U2SURP: variants seen among roughly 807,000 people sequenced by gnomAD.
U2SURP encodes the protein U2 snRNP-associated SURP motif-containing protein.
Under a neutral mutation model 144.9 loss-of-function variants are expected in U2SURP, and 9 were observed. The ratio of observed to expected loss-of-function variants is 0.06; its 90% confidence interval spans 0.04 to 0.11. The LOEUF is 0.11. Ranked by LOEUF, U2SURP falls within the 10% of genes least tolerant of loss-of-function variation. The pLI, the probability that U2SURP is intolerant of heterozygous loss-of-function variation, is 1.00. For synonymous variants in U2SURP, 408 were observed against 396.8 expected (o/e 1.03, Z -0.33); for missense variants, 724 against 1,226.7 (o/e 0.59, Z 6.12).
chr3:143,049,848 G>C (rs567454461), intron 24 of U2SURP, among the ~76,000 whole-genome samples: 28 of 152,048 alleles, frequency 1.8e-4, no homozygotes, highest in African/African-American at 6.8e-4. Context: ...CTTATTGCAG[G>C]TTTTTCCTCT....
At chr3:143,035,027 GA>G in intron 19 of U2SURP, 52 bp downstream of exon 19, 3 of 250,100 alleles carry the variant, frequency 1.2e-5, no homozygotes, top group African/African-American at 2.7e-5. Flanking sequence ...TGGGTGGGGG[GA>G]GGGCATTGAA....
chr3:143,010,838 A>T lies in U2SURP; in HGVS notation c.69A>T (p.Ser23=), dbSNP rs1200417089. The change falls in exon 2 of 28, where the codon TCA becomes TCT. Residue 23 remains serine, a synonymous_variant. Transcript: ENST00000473835. ...AGACGAGATCATCAGATGTTCATTC[A>T]TCTGGATCTTCAGATGCACATGTGA... is the stretch of plus-strand genomic sequence containing the variant. The part of the protein sequence containing the change: ...SSKTRSSDVH[S]SGSSDAHMDA... 4 of 1,607,884 alleles carry T rather than the reference A, an allele frequency of 2.5e-6. No homozygotes were observed. In the South Asian group the frequency reaches 3.3e-5, roughly 13 times the overall value.
chr3:143,023,048 A>C lies in U2SURP; in HGVS notation c.1214A>C (p.Lys405Thr), dbSNP rs1256677906. Reference protein sequence around the residue: ...NAPMLPPPKNKEDFEKTLSQA... With the variant: ...NAPMLPPPKNTEDFEKTLSQA... ...CCTATGTTACCGCCACCTAAAAACA[A>C]AGAGGATTTTGAGAAGGTAATTTAA... The change falls in exon 12 of 28, where the codon AAA becomes ACA. Residue 405 changes from lysine to threonine, a missense_variant. Physicochemically the swap from Lys to Thr is moderately conservative, Grantham distance 78. Transcript: ENST00000473835. The C allele has an allele frequency of 6.2e-7, 1 of 1,604,238 alleles. No homozygotes were observed. Among genetic ancestry groups the C allele is most frequent in the Non-Finnish European group, 8.5e-7 (1 of 1,175,748 alleles).
At chr3:143,005,627 T>C (rs1337550528) in intron 1 of U2SURP, among the ~76,000 whole-genome samples, 1 of 152,194 alleles carries the variant, frequency 6.6e-6, no homozygotes, top group Non-Finnish European at 1.5e-5. Context: ...AGAATATGCC[T>C]GTTGGTATGG....
chr3:143,006,039 C>G (rs1044510933), intron 1 of U2SURP, among the ~76,000 whole-genome samples: 2 of 152,150 alleles, frequency 1.3e-5, no homozygotes, highest in African/African-American at 4.8e-5. Flanking sequence ...GTCAGTAGCA[C>G]TTGAGGCTAA....
intron 1 of U2SURP, among the ~76,000 whole-genome samples, chr3:143,007,991 G>C (rs368784400): frequency 6.6e-6 from 1 of 152,220 alleles, no homozygotes; most frequent in Non-Finnish European, 1.5e-5. Flanking sequence ...CTGTAGGTAT[G>C]TATCAGTGGA....
In U2SURP at chr3:143,049,134, C is replaced by T. The variant is rs1202595512; in HGVS notation, c.2545-1805C>T. Reference sequence around the variant, plus strand: ...AAGATTCAAAAATTAGGCTTGGTGGCGTGCGCCTGTAATCCCAGCTACTTG... The same window carrying T: ...AAGATTCAAAAATTAGGCTTGGTGGTGTGCGCCTGTAATCCCAGCTACTTG... On this transcript the variant is annotated intron_variant, in intron 24 of 27. Coordinates refer to ENST00000473835, the MANE Select transcript of U2SURP (RefSeq NM_001080415.2). 6.0e-5 allele frequency among the ~76,000 whole-genome samples: 9 copies of T among 149,114 alleles called. No homozygotes were observed. The South Asian group carries it at 8.5e-4, about 14-fold the overall frequency.
intron 1 of U2SURP, among the ~76,000 whole-genome samples, chr3:143,007,626 A>G (rs1032265207): frequency 2.6e-5 from 4 of 151,900 alleles, no homozygotes; most frequent in Non-Finnish European, 5.9e-5. Context: ...TATTTTTAGT[A>G]GAGACGGGAT....
At chr3:143,017,935 C>T (rs559651524) in intron 6 of U2SURP, among the ~76,000 whole-genome samples, 2 of 150,412 alleles carry the variant, frequency 1.3e-5, no homozygotes, top group South Asian at 2.2e-4. Flanking sequence ...TTAAAGTATA[C>T]AGTTGACTAG....
At chr3:143,016,718 T>C (rs1936385177) in intron 5 of U2SURP, 124 bp from the exon 6 acceptor site, 3 of 834,768 alleles carry the variant, frequency 3.6e-6, no homozygotes, top group Non-Finnish European at 3.5e-6. Context: ...TTTAATTTCA[T>C]ATTTGTTAAT....
At chr3:143,016,806 G>A (rs200761271) in intron 5 of U2SURP, 36 bp from the exon 6 acceptor site, 71 of 1,462,138 alleles carry the variant, frequency 4.9e-5, no homozygotes, top group Admixed American at 1.3e-4. Context: ...AAAATATTGC[G>A]AAATTAGTTT....
intron 4 of U2SURP, among the ~76,000 whole-genome samples, chr3:143,015,042 T>C (rs1444312451): frequency 6.6e-6 from 1 of 152,124 alleles, no homozygotes; most frequent in Non-Finnish European, 1.5e-5. Context: ...AGTTTTTCTA[T>C]ATTTGTCATT....
Position 143,004,353 on chromosome 3 carries a change from G to GTTT in U2SURP, c.45+2706_45+2708dup, listed in dbSNP as rs869186497. On this transcript the variant is annotated intron_variant, in intron 1 of 27. Transcript: ENST00000473835. ...CCTCTACAGGTCTTCTAGTTGGGGT[G>GTTT]TTTTTTTTTTTTTTTTTTTTTTTTT... Among the ~76,000 whole-genome samples the GTTT allele has an allele frequency of 4.0e-4, 33 of 83,426 alleles. 1 individual carries two copies. The highest frequency in any genetic ancestry group is 5.2e-4 in the South Asian group (1 of 1,910). 54.7% of individuals were successfully genotyped at this position (83,426 alleles called of 152,430 possible).
At chr3:143,028,889 C>G (rs1933312397) in intron 16 of U2SURP, among the ~76,000 whole-genome samples, 1 of 152,152 alleles carries the variant, frequency 6.6e-6, no homozygotes, top group African/African-American at 2.4e-5. Context: ...ACATGATTGA[C>G]TTATTTCTTT....
chr3:143,020,740 AGTT>A, intron 8 of U2SURP, 47 bp downstream of exon 8: 3 of 1,414,944 alleles, frequency 2.1e-6, no homozygotes, highest in Admixed American at 3.6e-5. Flanking sequence ...TAATTACAGT[AGTT>A]CCCACCTTAT....
intron 1 of U2SURP, among the ~76,000 whole-genome samples, chr3:143,004,722 C>T (rs767271732): frequency 6.6e-6 from 1 of 152,002 alleles, no homozygotes; most frequent in Non-Finnish European, 1.5e-5. Context: ...TGAAGAGACC[C>T]CTGTGCACTT....
intron 1 of U2SURP, among the ~76,000 whole-genome samples, chr3:143,007,686 G>A (rs1484001277): frequency 3.3e-5 from 5 of 151,900 alleles, no homozygotes; most frequent in African/African-American, 7.3e-5. Context: ...TTTGTGATCC[G>A]CCCGCCTTGG....
At chr3:143,036,368 T>A (rs949471835) in intron 20 of U2SURP, among the ~76,000 whole-genome samples, 1 of 95,834 alleles carries the variant, frequency 1.0e-5, no homozygotes, top group Non-Finnish European at 2.4e-5. Context: ...TTGTTAATAG[T>A]AGAAAATAAG....
At position 143,057,887 on chromosome 3, in the gene U2SURP, T is replaced by C. The variant is rs1935222302; in HGVS notation, c.*1437T>C. On this transcript the variant is annotated 3_prime_UTR_variant, in exon 28 of 28. Transcript: ENST00000473835. ...GAGAGTTCCTATATTAGCTGAGCAG[T>C]GAGATACACTATTTCCAAACGGTGC... The C allele has an allele frequency of 6.6e-6, 1 of 152,394 alleles. No individual in the cohort carries two copies. The highest frequency in any genetic ancestry group is 2.1e-4 in the South Asian group (1 of 4,836). 9.4% of individuals were successfully genotyped at this position (152,394 alleles called of 1,614,324 possible). A position where few individuals can be genotyped will look rare whatever the true frequency, so the allele number is the denominator to read the frequency against.
Sources: gnomAD v4.1 joint callset for allele counts (sites outside exome capture counted in the v4.1 genomes callset) on GRCh38, gnomAD v4.1.1 for gene constraint, MANE v1.5 for transcripts, NCBI Gene and HGNC (gene_info 2026-07-23, HGNC 2026-07-21) for gene names.